Variants in CSMD1 observed in about 807,000 individuals in gnomAD.
The protein encoded by CSMD1 is CUB and Sushi multiple domains 1, also known as CUB and sushi domain-containing protein 1.
A neutral mutation model predicts 417.5 loss-of-function variants in CSMD1; 213 were observed. That is an observed-to-expected ratio of 0.51 (90% confidence interval 0.46 to 0.57). CSMD1 has a LOEUF of 0.57. CSMD1 is among the 20% of genes least tolerant of loss of function. The pLI is 0.00. For missense variants in CSMD1, 6,923 were observed against 4,529.7 expected, an observed-to-expected ratio of 1.53 and a Z score of -15.17; for synonymous variants, 2,862 against 1,736.8, an observed-to-expected ratio of 1.65 and a Z score of -16.11.
intron 1 of CSMD1, among the ~76,000 whole-genome samples, chr8:4,756,189 T>C (rs1479598460): frequency 6.6e-6 from 1 of 152,230 alleles, no homozygotes; most frequent in Non-Finnish European, 1.5e-5. Context: ...TCTGGAAAAC[T>C]GTTGATCTAT....
chr8:3,279,917 G>A (rs1480833968), intron 26 of CSMD1, among the ~76,000 whole-genome samples: 1 of 152,180 alleles, frequency 6.6e-6, no homozygotes, highest in African/African-American at 2.4e-5. Flanking sequence ...TATGGATTAT[G>A]AGCATTACAA....
At chr8:4,498,215 G>A (rs1024017879) in intron 2 of CSMD1, among the ~76,000 whole-genome samples, 4 of 152,160 alleles carry the variant, frequency 2.6e-5, no homozygotes, top group Non-Finnish European at 4.4e-5. Context: ...GGGGTTGAAC[G>A]ATGATTGTTG....
intron 8 of CSMD1, among the ~76,000 whole-genome samples, chr8:3,586,895 G>A (rs943647448): frequency 2.6e-5 from 4 of 152,180 alleles, no homozygotes; most frequent in African/African-American, 7.2e-5. Context: ...CGCCTCCGGG[G>A]TTCAAGCTAT....
Position 3,006,173 on chromosome 8 carries a change from T to C in CSMD1, c.8030-6042A>G, listed in dbSNP as rs1294403029. On this transcript the variant is annotated intron_variant, in intron 52 of 69. Transcript: ENST00000635120. ...ATCATGAGTGAACTCCCATTCACAA[T>C]TGCTTCAAAGAGAATAAAATACCTA... is the stretch of plus-strand genomic sequence containing the variant. 6.6e-5 allele frequency among the ~76,000 whole-genome samples: 10 copies of C among 151,614 alleles called. No individual in the cohort carries two copies. In the South Asian group the frequency reaches 1.7e-3, roughly 25 times the overall value.
At chr8:4,151,667 C>G (rs1313454965) in intron 3 of CSMD1, among the ~76,000 whole-genome samples, 1 of 152,084 alleles carries the variant, frequency 6.6e-6, no homozygotes, top group Non-Finnish European at 1.5e-5. Flanking sequence ...ATTATGTCAA[C>G]ATTATAGGTG....
intron 1 of CSMD1, among the ~76,000 whole-genome samples, chr8:4,728,929 G>A (rs762579210): frequency 2.0e-5 from 3 of 152,192 alleles, no homozygotes; most frequent in Non-Finnish European, 4.4e-5. Flanking sequence ...CAACGTTAAG[G>A]TAACCTGCCA....
intron 6 of CSMD1, among the ~76,000 whole-genome samples, chr8:3,722,726 T>C (rs1217169288): frequency 1.3e-5 from 2 of 152,202 alleles, no homozygotes; most frequent in Non-Finnish European, 2.9e-5. Flanking sequence ...AAGCGAAAAC[T>C]CTTGTCGTTA....
intron 23 of CSMD1, among the ~76,000 whole-genome samples, chr8:3,323,307 T>C (rs1366386498): frequency 6.6e-6 from 1 of 152,156 alleles, no homozygotes; most frequent in Non-Finnish European, 1.5e-5. Flanking sequence ...CCTTCAATAA[T>C]CTACCCTTCC....
chr8:3,358,519 C>A (rs564268444), intron 21 of CSMD1, among the ~76,000 whole-genome samples: 2 of 152,308 alleles, frequency 1.3e-5, no homozygotes, highest in Admixed American at 6.5e-5. Flanking sequence ...ATAAACGTCA[C>A]CCCACTGGAT....
At chr8:4,429,478 T>C (rs556349836) in intron 2 of CSMD1, among the ~76,000 whole-genome samples, 1 of 151,132 alleles carries the variant, frequency 6.6e-6, no homozygotes, top group African/African-American at 2.4e-5. Flanking sequence ...ACTCCTCCTG[T>C]CAATTGGGAA....
chr8:4,981,678 T>G (rs954561584), intron 1 of CSMD1, among the ~76,000 whole-genome samples: 2 of 152,164 alleles, frequency 1.3e-5, no homozygotes, highest in Admixed American at 6.5e-5. Flanking sequence ...GAGTGTGTGG[T>G]GAACAGACTC....
chr8:3,165,264 A>G (rs1820135539), intron 37 of CSMD1, among the ~76,000 whole-genome samples: 1 of 152,066 alleles, frequency 6.6e-6, no homozygotes, highest in African/African-American at 2.4e-5. Flanking sequence ...ACCTGCTACT[A>G]TATTAAAAGG....
At chr8:3,652,935 G>C (rs753565168) in intron 7 of CSMD1, among the ~76,000 whole-genome samples, 8 of 152,134 alleles carry the variant, frequency 5.3e-5, no homozygotes, top group Non-Finnish European at 1.5e-5. Context: ...CACCACTAAA[G>C]ACTGAAAGCC....
intron 3 of CSMD1, among the ~76,000 whole-genome samples, chr8:4,038,863 T>A (rs916540533): frequency 6.6e-6 from 1 of 152,182 alleles, no homozygotes; most frequent in African/African-American, 2.4e-5. Flanking sequence ...GGCTTGAAAC[T>A]TGAAACATAG....
Position 3,465,074 on chromosome 8 carries a change from C to G in CSMD1, c.1561+3638G>C, listed in dbSNP as rs891166132. Among the ~76,000 whole-genome samples the G allele has an allele frequency of 2.0e-5, 3 of 152,082 alleles. No individual in the cohort carries two copies. In the East Asian group the frequency reaches 5.8e-4, roughly 29 times the overall value. Reference sequence around the variant, plus strand: ...TGTATAACACATACTGTATAACATACACATGCCAACTGAAGTCTAGCAAGA... The same window carrying G: ...TGTATAACACATACTGTATAACATAGACATGCCAACTGAAGTCTAGCAAGA... On this transcript the variant is annotated intron_variant, in intron 12 of 69. Coordinates refer to ENST00000635120, the MANE Select transcript of CSMD1 (RefSeq NM_033225.6).
intron 5 of CSMD1, among the ~76,000 whole-genome samples, chr8:3,780,892 T>C (rs1799141508): frequency 6.6e-6 from 1 of 152,240 alleles, no homozygotes; most frequent in South Asian, 2.1e-4. Flanking sequence ...TGGAAGGGGT[T>C]TAGGTAACAC....
chr8:3,982,759 C>T (rs1813980193), intron 5 of CSMD1, among the ~76,000 whole-genome samples: 1 of 152,066 alleles, frequency 6.6e-6, no homozygotes, highest in Non-Finnish European at 1.5e-5. Flanking sequence ...AGGAGCTGCC[C>T]ACAGATAATG....
intron 5 of CSMD1, among the ~76,000 whole-genome samples, chr8:3,996,438 T>A (rs1443003680): frequency 4.1e-5 from 3 of 73,616 alleles, no homozygotes; most frequent in Non-Finnish European, 8.0e-5. Context: ...TAAATTCATT[T>A]TTAAGATTTT....
intron 3 of CSMD1, among the ~76,000 whole-genome samples, chr8:4,040,003 C>G (rs17068675): frequency 6.6e-6 from 1 of 152,066 alleles, no homozygotes; most frequent in Admixed American, 6.5e-5. Context: ...TTAAGTGCCC[C>G]ATACATGTCA....
Sources: gnomAD v4.1 joint callset for allele counts (sites outside exome capture counted in the v4.1 genomes callset) on GRCh38, gnomAD v4.1.1 for gene constraint, MANE v1.5 for transcripts, NCBI Gene and HGNC (gene_info 2026-07-23, HGNC 2026-07-21) for gene names.